Variants in RAPGEF5 observed in about 807,000 individuals in gnomAD.
The protein encoded by RAPGEF5 is M-Ras-regulated GEF.
RAPGEF5 carries 65 observed loss-of-function variants against 125.2 expected under a neutral mutation model. The observed-to-expected ratio is 0.52, with a 90% CI of 0.43 to 0.64. RAPGEF5 has a LOEUF of 0.64. Ranked by LOEUF, RAPGEF5 falls within the 30% of genes least tolerant of loss-of-function variation. The pLI is 0.00. For synonymous variants in RAPGEF5, 391 were observed against 385.9 expected, an observed-to-expected ratio of 1.01 and a Z score of -0.16; for missense variants, 958 against 1,048.1, an observed-to-expected ratio of 0.91 and a Z score of 1.19.
In RAPGEF5 at chr7:22,291,250, A is replaced by T; in HGVS notation, c.681-9T>A. On this transcript the variant is annotated splice_polypyrimidine_tract_variant and intron_variant, in intron 5 of 25. Transcript: ENST00000665637. ...CAATTTTCTGATGAGACCTAAAAAAAAAAAAAAGAACAAATTACTTTTCAG... is the reference window on the plus strand; with the variant it reads ...CAATTTTCTGATGAGACCTAAAAAATAAAAAAAGAACAAATTACTTTTCAG... 6.5e-7 allele frequency: 1 copy of T among 1,526,956 alleles called. No individual in the cohort carries two copies. The highest frequency in any genetic ancestry group is 8.7e-7 in the Non-Finnish European group (1 of 1,143,010). 94.6% of individuals were successfully genotyped at this position (1,526,956 alleles called of 1,614,324 possible). A position where few individuals can be genotyped will look rare whatever the true frequency, so the allele number is the denominator to read the frequency against.
chr7:22,136,495 C>T (rs758696545), intron 22 of RAPGEF5, among the ~76,000 whole-genome samples: 40 of 151,554 alleles, frequency 2.6e-4, no homozygotes, highest in Admixed American at 2.6e-4. Context: ...GTCCTTGTAA[C>T]GCACAGAAAA....
chr7:22,270,029 G>C (rs368272780), intron 6 of RAPGEF5, among the ~76,000 whole-genome samples: 16 of 152,230 alleles, frequency 1.1e-4, no homozygotes, highest in African/African-American at 3.4e-4. Flanking sequence ...AGAGGGCAAG[G>C]AGTAGGTACA....
chr7:22,323,751 A>G (rs1783760523), intron 1 of RAPGEF5, among the ~76,000 whole-genome samples: 1 of 152,236 alleles, frequency 6.6e-6, no homozygotes, highest in Non-Finnish European at 1.5e-5. Flanking sequence ...TGATTTGAAC[A>G]GCAAATAAAT....
At chr7:22,311,890 T>C (rs1052526451) in intron 3 of RAPGEF5, among the ~76,000 whole-genome samples, 3 of 152,234 alleles carry the variant, frequency 2.0e-5, no homozygotes, top group African/African-American at 7.2e-5. Context: ...CTCAGGGCTT[T>C]GAAAGCACTT....
intron 19 of RAPGEF5, among the ~76,000 whole-genome samples, chr7:22,146,523 T>C (rs1258492134): frequency 6.6e-6 from 1 of 152,216 alleles, no homozygotes; most frequent in African/African-American, 2.4e-5. Context: ...TGTACATACA[T>C]AAATATGAAT....
intron 1 of RAPGEF5, among the ~76,000 whole-genome samples, chr7:22,323,605 C>A (rs555722859): frequency 6.6e-6 from 1 of 152,206 alleles, no homozygotes; most frequent in Non-Finnish European, 1.5e-5. Context: ...GCTTAATTAG[C>A]GAGCTTACTT....
chr7:22,317,995 G>C lies in RAPGEF5; in HGVS notation c.274C>G (p.Pro92Ala), dbSNP rs758571041. The change falls in exon 2 of 26, where the codon CCT becomes GCT. Residue 92 changes from proline (P) to alanine (A), a missense_variant. By Grantham distance (27) the Pro-to-Ala change is conservative (BLOSUM62 -1). Transcript: ENST00000665637. Reference sequence around the variant, plus strand: ...AGAGAAAGGAATCATACCTGGGAAGGCGTATGTTCAAGGTACGGATTAGAT... The same window carrying C: ...AGAGAAAGGAATCATACCTGGGAAGCCGTATGTTCAAGGTACGGATTAGAT... Reference protein sequence around the residue: ...RISNPYLEHTPSQIYGENSSC... With the variant: ...RISNPYLEHTASQIYGENSSC... 3.9e-6 allele frequency: 6 copies of C among 1,547,980 alleles called. 1 individual carries two copies. Among genetic ancestry groups the C allele is most frequent in the Middle Eastern group, 3.3e-4 (2 of 5,980 alleles).
chr7:22,356,262 G>C (rs1784417762), intron 1 of RAPGEF5: 3 of 985,348 alleles, frequency 3.0e-6, no homozygotes, highest in Non-Finnish European at 3.6e-6. Flanking sequence ...CTGCTCAAGA[G>C]GGTGTCCAGG....
intron 5 of RAPGEF5, among the ~76,000 whole-genome samples, chr7:22,303,297 G>C (rs902285748): frequency 2.6e-5 from 4 of 152,120 alleles, no homozygotes; most frequent in Non-Finnish European, 5.9e-5. Context: ...TTCCCCCAGA[G>C]ATAGTACCCT....
chr7:22,307,106 G>A (rs1039183718), intron 5 of RAPGEF5, among the ~76,000 whole-genome samples: 6 of 152,246 alleles, frequency 3.9e-5, no homozygotes, highest in Middle Eastern at 3.4e-3. Flanking sequence ...TTGGTATTTT[G>A]GTTGGGATTG....
chr7:22,273,879 T>C (rs190941465), intron 6 of RAPGEF5, among the ~76,000 whole-genome samples: 5 of 152,302 alleles, frequency 3.3e-5, no homozygotes, highest in African/African-American at 7.2e-5. Context: ...AACATCTGGA[T>C]TGCATTTGGT....
intron 7 of RAPGEF5, among the ~76,000 whole-genome samples, chr7:22,257,566 AC>A (rs1483584539): frequency 1.3e-5 from 2 of 152,238 alleles, no homozygotes; most frequent in African/African-American, 4.8e-5. Context: ...TGATAAAGGA[AC>A]AAATGAATAC....
chr7:22,291,017 C>T (rs1000687607), intron 6 of RAPGEF5, among the ~76,000 whole-genome samples, 158 bp downstream of exon 6: 1 of 152,118 alleles, frequency 6.6e-6, no homozygotes, highest in Non-Finnish European at 1.5e-5. Context: ...TATAGAAAGT[C>T]AAAGCCACTG....
chr7:22,252,079 C>T lies in RAPGEF5; in HGVS notation c.796+14885G>A, dbSNP rs142093264. 6.9e-3 allele frequency among the ~76,000 whole-genome samples: 1,058 copies of T among 152,240 alleles called. 11 individuals carry two copies. Among genetic ancestry groups the T allele is most frequent in the Middle Eastern group, 0.031 (9 of 294 alleles). On this transcript the variant is annotated intron_variant, in intron 7 of 25. Coordinates refer to ENST00000665637, the MANE Select transcript of RAPGEF5 (RefSeq NM_012294.5). ...TGCTTCTTAGCTCTCAACTAGAAAA[C>T]TTGATTCTCTCTTTAATGCCTCTCC...
At chr7:22,144,425 A>T (rs1304723436) in intron 20 of RAPGEF5, among the ~76,000 whole-genome samples, 1 of 152,222 alleles carries the variant, frequency 6.6e-6, no homozygotes, top group Admixed American at 6.5e-5. Flanking sequence ...GAAGGAAGGA[A>T]TATTTGACTG....
intron 1 of RAPGEF5, among the ~76,000 whole-genome samples, chr7:22,348,904 T>G (rs1784276038): frequency 6.6e-6 from 1 of 151,932 alleles, no homozygotes; most frequent in African/African-American, 2.4e-5. Flanking sequence ...CTGGCCAACG[T>G]GGCAAAACCC....
At chr7:22,268,552 T>A (rs1782340616) in intron 6 of RAPGEF5, among the ~76,000 whole-genome samples, 2 of 152,246 alleles carry the variant, frequency 1.3e-5, no homozygotes, top group South Asian at 4.1e-4. Context: ...ATTCACAGTG[T>A]CACAAATATT....
rs202050919 is a variant in RAPGEF5 at position 22,125,624 on chromosome 7, T to C, written c.2516A>G (p.His839Arg). 1.2e-5 allele frequency: 20 copies of C among 1,611,884 alleles called. No individual in the cohort carries two copies. The Admixed American group carries it at 3.0e-4, about 24-fold the overall frequency. The change falls in exon 25 of 26, where the codon CAC becomes CGC. Residue 839 changes from histidine to arginine, a missense_variant. Physicochemically the swap from His to Arg is conservative, Grantham distance 29. Transcript: ENST00000665637. Reference protein sequence around the residue: ...MIADTVRTLRHCRTNQFGDLS... With the variant: ...MIADTVRTLRRCRTNQFGDLS... ...CTCACCAAACTGGTTAGTCCTGCAG[T>C]GTCTCAGGGTTCGGACAGTGTCTGC...
At chr7:22,207,618 A>G (rs940165413) in intron 9 of RAPGEF5, among the ~76,000 whole-genome samples, 2 of 152,244 alleles carry the variant, frequency 1.3e-5, no homozygotes, top group African/African-American at 4.8e-5. Flanking sequence ...GAAATGTGCT[A>G]TAAATTCCAG....
Sources: gnomAD v4.1 joint callset for allele counts (sites outside exome capture counted in the v4.1 genomes callset) on GRCh38, gnomAD v4.1.1 for gene constraint, MANE v1.5 for transcripts, NCBI Gene and HGNC (gene_info 2026-07-23, HGNC 2026-07-21) for gene names.